CCDC192: variants seen among roughly 807,000 people sequenced by gnomAD.
CCDC192 encodes coiled-coil domain containing 192, also known as coiled-coil domain-containing protein 192.
chr5:127,746,657 T>C (rs1753762957), intron 2 of CCDC192, among the ~76,000 whole-genome samples: 1 of 151,832 alleles, frequency 6.6e-6, no homozygotes. Flanking sequence ...TTGAAATTAC[T>C]GGAACCATCA....
Position 127,797,199 on chromosome 5 carries a change from G to T in CCDC192, c.319G>T (p.Gly107Ter). The change falls in exon 4 of 7, where the codon GGA becomes TGA. Residue 107 changes from glycine (G) to a stop codon, truncating the protein, a stop_gained. Coordinates refer to ENST00000514853, the MANE Select transcript of CCDC192 (RefSeq NM_001317938.2). LOFTEE classifies it high-confidence loss of function. ...TGTGGACCACAAGGAAGCCAGTGGG[G>T]GACCATATGAAAAAATGGTTCTTGT... is the stretch of plus-strand genomic sequence containing the variant. ...EAVDHKEASG[G>*]PYEKMVLVKD... The T allele has an allele frequency of 2.5e-6, 1 of 398,212 alleles. No homozygotes were observed. The allele number at this position is 398,212 out of a possible 1,614,324, so 24.7% of individuals were successfully genotyped here.
At chr5:127,881,222 A>G (rs1471610816) in intron 6 of CCDC192, among the ~76,000 whole-genome samples, 2 of 152,204 alleles carry the variant, frequency 1.3e-5, no homozygotes, top group African/African-American at 4.8e-5. Flanking sequence ...TAAGTGATAC[A>G]TGGTCACCTA....
At chr5:127,887,684 T>C (rs189421343) in intron 6 of CCDC192, among the ~76,000 whole-genome samples, 51 of 152,172 alleles carry the variant, frequency 3.4e-4, no homozygotes, top group African/African-American at 1.2e-3. Context: ...TAACATTAAT[T>C]AATTCATAAT....
At chr5:127,929,127 T>C (rs1753948075) in intron 6 of CCDC192, among the ~76,000 whole-genome samples, 1 of 152,248 alleles carries the variant, frequency 6.6e-6, no homozygotes, top group African/African-American at 2.4e-5. Flanking sequence ...CTGAGAATTA[T>C]GTGATGATCC....
intron 5 of CCDC192, among the ~76,000 whole-genome samples, chr5:127,846,840 A>C (rs1421278170): frequency 1.3e-5 from 2 of 151,174 alleles, no homozygotes; most frequent in Non-Finnish European, 3.0e-5. Context: ...AAAAAAAAAA[A>C]AAAAACAGGG....
chr5:127,714,561 G>C (rs1274362744), intron 2 of CCDC192, among the ~76,000 whole-genome samples: 1 of 152,014 alleles, frequency 6.6e-6, no homozygotes, highest in African/African-American at 2.4e-5. Context: ...CATAACTTTT[G>C]TACTTTTTTT....
intron 3 of CCDC192, chr5:127,785,251 C>T (rs183550098): frequency 2.8e-5 from 14 of 508,824 alleles, no homozygotes; most frequent in Middle Eastern, 4.6e-4. Context: ...TGTGAATTGC[C>T]GATAACTACA....
At chr5:127,923,906 A>G (rs1753801296) in intron 6 of CCDC192, among the ~76,000 whole-genome samples, 1 of 152,238 alleles carries the variant, frequency 6.6e-6, no homozygotes, top group Non-Finnish European at 1.5e-5. Context: ...GAAAGGAGAA[A>G]CAAAAGAATC....
intron 2 of CCDC192, among the ~76,000 whole-genome samples, chr5:127,739,145 A>G (rs1195103386): frequency 2.6e-5 from 4 of 151,906 alleles, no homozygotes; most frequent in East Asian, 1.9e-4. Flanking sequence ...TTTTCCTTCT[A>G]ACAGAGAGGA....
chr5:127,900,518 A>G (rs956116801), intron 6 of CCDC192, among the ~76,000 whole-genome samples: 1 of 152,320 alleles, frequency 6.6e-6, no homozygotes, highest in East Asian at 1.9e-4. Context: ...CATATAACCC[A>G]CTTTTGAAGG....
At chr5:127,843,885 GAA>G in intron 5 of CCDC192, among the ~76,000 whole-genome samples, 1 of 152,256 alleles carries the variant, frequency 6.6e-6, no homozygotes, top group South Asian at 2.1e-4. Flanking sequence ...TGTAAGAAGG[GAA>G]AAAAGTAGCT....
chr5:127,754,177 C>G, intron 2 of CCDC192, 91 bp from the exon 3 acceptor site: 1 of 393,842 alleles, frequency 2.5e-6, no homozygotes. Flanking sequence ...TTGATAAACT[C>G]TTATGGATCT....
intron 5 of CCDC192, among the ~76,000 whole-genome samples, chr5:127,868,841 G>A (rs1185215093): frequency 1.3e-5 from 2 of 151,994 alleles, no homozygotes; most frequent in Non-Finnish European, 2.9e-5. Context: ...CCACAATGTA[G>A]GACACTGGGT....
Position 127,754,388 on chromosome 5 carries a change from A to C in CCDC192, c.222+13A>C. On this transcript the variant is annotated intron_variant, in intron 3 of 6. Coordinates refer to ENST00000514853, the MANE Select transcript of CCDC192 (RefSeq NM_001317938.2). Reference sequence around the variant, plus strand: ...TTTATCTGAACAGGTAACACCTGTCATGGGAACTGGAAACAAATGTTCCTC... The same window carrying C: ...TTTATCTGAACAGGTAACACCTGTCCTGGGAACTGGAAACAAATGTTCCTC... 1 of 398,494 alleles carries C rather than the reference A, an allele frequency of 2.5e-6. No homozygotes were observed. The highest frequency in any genetic ancestry group is 4.4e-6 in the Non-Finnish European group (1 of 225,894). The allele number at this position is 398,494 out of a possible 1,614,324, so 24.7% of individuals were successfully genotyped here.
chr5:127,849,350 C>T (rs1750699277), intron 5 of CCDC192, among the ~76,000 whole-genome samples: 1 of 152,124 alleles, frequency 6.6e-6, no homozygotes, highest in Non-Finnish European at 1.5e-5. Context: ...CTCAGCTTAG[C>T]AGCCCACAAG....
At chr5:127,940,929 A>G (rs1754382479) in intron 6 of CCDC192, 7 of 331,516 alleles carry the variant, frequency 2.1e-5, no homozygotes, top group Non-Finnish European at 3.8e-5. Context: ...CATATAAACA[A>G]GAGTTGGCAA....
In CCDC192 at chr5:127,704,442, C is replaced by A. The variant is rs1356837940; in HGVS notation, c.62+935C>A. On this transcript the variant is annotated intron_variant, in intron 1 of 6. Transcript: ENST00000514853. ...ACCTCAGGTGATCTGCCCACCTTGG[C>A]CTCCCAAAGTGCTGGGATTATAGGC... Among the ~76,000 whole-genome samples, 4 of 152,324 alleles carry A rather than the reference C, an allele frequency of 2.6e-5. No homozygotes were observed. The East Asian group carries it at 7.7e-4, about 29-fold the overall frequency.
intron 3 of CCDC192, among the ~76,000 whole-genome samples, chr5:127,794,674 T>A (rs1757062497): frequency 6.6e-6 from 1 of 152,172 alleles, no homozygotes; most frequent in African/African-American, 2.4e-5. Flanking sequence ...ATATAATAAA[T>A]GTCCAACTTA....
At chr5:127,768,287 C>T (rs777945238) in intron 3 of CCDC192, among the ~76,000 whole-genome samples, 1 of 151,880 alleles carries the variant, frequency 6.6e-6, no homozygotes, top group Non-Finnish European at 1.5e-5. Context: ...TAAGGTCATA[C>T]TGGAGTAGGA....
Sources: allele counts gnomAD v4.1 joint callset (sites outside exome capture counted in the v4.1 genomes callset), GRCh38; gene constraint gnomAD v4.1.1; transcripts MANE v1.5; gene names NCBI Gene and HGNC (gene_info 2026-07-23, HGNC 2026-07-21).